ZRANB1: variants seen among roughly 807,000 people sequenced by gnomAD.
ZRANB1 encodes the protein zinc finger RANBP2-type containing 1, also known as ubiquitin thioesterase ZRANB1.
A neutral mutation model predicts 80.5 loss-of-function variants in ZRANB1; 16 were observed. That is an observed-to-expected ratio of 0.20 (90% confidence interval 0.13 to 0.30). ZRANB1 has a LOEUF of 0.30. Ranked by LOEUF, ZRANB1 falls within the 10% of genes least tolerant of loss-of-function variation. ZRANB1 has a pLI of 1.00. For synonymous variants in ZRANB1, 291 were observed against 293.1 expected (o/e 0.99, Z 0.07); for missense variants, 576 against 862.6 (o/e 0.67, Z 4.16).
intron 1 of ZRANB1, among the ~76,000 whole-genome samples, chr10:124,964,931 C>T (rs549315563): frequency 1.3e-5 from 2 of 152,312 alleles, no homozygotes; most frequent in African/African-American, 4.8e-5. Context: ...CCCTACCAGA[C>T]TATACTTAAT....
At chr10:124,953,217 T>C (rs1194791018) in intron 1 of ZRANB1, among the ~76,000 whole-genome samples, 3 of 152,114 alleles carry the variant, frequency 2.0e-5, no homozygotes, top group Middle Eastern at 3.2e-3. Context: ...TGAGCCACTG[T>C]GTCCAGCCAA....
chr10:124,917,594 C>T, the ZRANB1 span, among the ~76,000 whole-genome samples: 1 of 152,236 alleles, frequency 6.6e-6, no homozygotes. Flanking sequence ...TCTTTTCCTG[C>T]CGGAGACGGA....
At chr10:124,924,335 A>G in the ZRANB1 span, among the ~76,000 whole-genome samples, 8 of 151,138 alleles carry the variant, frequency 5.3e-5, no homozygotes, top group African/African-American at 1.9e-4. Context: ...GGTGTATTTC[A>G]TATACCATAA....
Position 124,966,581 on chromosome 10 carries a change from A to T in ZRANB1, c.815-13A>T, listed in dbSNP as rs1412782014. The T allele has an allele frequency of 6.2e-7, 1 of 1,606,602 alleles. No homozygotes were observed. The highest frequency in any genetic ancestry group is 1.7e-5 in the Admixed American group (1 of 59,416). On this transcript the variant is annotated splice_polypyrimidine_tract_variant and intron_variant, in intron 1 of 8. Coordinates refer to ENST00000359653, the MANE Select transcript of ZRANB1 (RefSeq NM_017580.3). ...GAGAATTAAATGCTTTTCTATCTTG[A>T]TGCTTGTTTTAGGGGTTGTAGAAGG...
In ZRANB1 at chr10:124,983,394, A is replaced by C. The variant is rs1589858232; in HGVS notation, c.1679-65A>C. 6.3e-7 allele frequency: 1 copy of C among 1,591,854 alleles called. No individual in the cohort carries two copies. Among genetic ancestry groups the C allele is most frequent in the Non-Finnish European group, 8.6e-7 (1 of 1,166,358 alleles). Reference sequence around the variant, plus strand: ...GAGCAGTGGACAGGGGAATGTGAACAAGGGCAGTGAGGGAGTGGCTCTTTC... The same window carrying C: ...GAGCAGTGGACAGGGGAATGTGAACCAGGGCAGTGAGGGAGTGGCTCTTTC... On this transcript the variant is annotated intron_variant, in intron 7 of 8. Coordinates refer to ENST00000359653, the MANE Select transcript of ZRANB1 (RefSeq NM_017580.3). The surrounding 1 kb of genome is among the most constrained non-coding windows in gnomAD (Gnocchi z 6.2).
chr10:124,920,149 C>T, the ZRANB1 span, among the ~76,000 whole-genome samples: 1 of 150,868 alleles, frequency 6.6e-6, no homozygotes. Context: ...TCTCGAACTC[C>T]TGACCTCAGA....
At chr10:124,957,973 A>G (rs1389575788) in intron 1 of ZRANB1, among the ~76,000 whole-genome samples, 1 of 152,054 alleles carries the variant, frequency 6.6e-6, no homozygotes, top group Admixed American at 6.5e-5. Context: ...CAAGTGATCC[A>G]CCTGCCTCGG....
intron 1 of ZRANB1, among the ~76,000 whole-genome samples, chr10:124,953,102 T>TC (rs1951655981): frequency 1.3e-5 from 2 of 150,414 alleles, no homozygotes; most frequent in South Asian, 4.2e-4. Flanking sequence ...TTTTTTTTTT[T>TC]TTTTTTTTAA....
At chr10:124,970,248 G>A (rs1344626584) in intron 2 of ZRANB1, among the ~76,000 whole-genome samples, 4 of 152,024 alleles carry the variant, frequency 2.6e-5, no homozygotes, top group South Asian at 4.1e-4. Context: ...GAATTTCCAC[G>A]TAGGAGTTTT....
upstream of ZRANB1, among the ~76,000 whole-genome samples, chr10:124,939,245 G>C (rs1951514564): frequency 6.6e-6 from 1 of 150,970 alleles, no homozygotes; most frequent in South Asian, 2.1e-4. Flanking sequence ...GTGTTGCCCA[G>C]GTTGGTCTTG....
intron 1 of ZRANB1, among the ~76,000 whole-genome samples, chr10:124,959,473 T>C (rs989229606): frequency 1.5e-4 from 22 of 151,530 alleles, no homozygotes; most frequent in African/African-American, 3.9e-4. Context: ...TTTTTTTTTT[T>C]CCCCCTGAGA....
intron 1 of ZRANB1, among the ~76,000 whole-genome samples, chr10:124,944,042 AT>A (rs1456599056): frequency 2.0e-5 from 3 of 152,220 alleles, no homozygotes; most frequent in Non-Finnish European, 4.4e-5. Flanking sequence ...ACTTCAAGTT[AT>A]GGTTCATATG....
At chr10:124,949,423 GTATA>G (rs1386808978) in intron 1 of ZRANB1, among the ~76,000 whole-genome samples, 1 of 140,154 alleles carries the variant, frequency 7.1e-6, no homozygotes, top group African/African-American at 2.6e-5. Context: ...ACATATATAT[GTATA>G]TATATATGTT....
At chr10:124,961,039 T>C (rs747275979) in intron 1 of ZRANB1, among the ~76,000 whole-genome samples, 1 of 152,020 alleles carries the variant, frequency 6.6e-6, no homozygotes, top group Non-Finnish European at 1.5e-5. Context: ...TCGCTCTTTG[T>C]TGTCCAGGCT....
At chr10:124,972,735 A>G (rs1220392727) in intron 3 of ZRANB1, among the ~76,000 whole-genome samples, 1 of 151,354 alleles carries the variant, frequency 6.6e-6, no homozygotes, top group Non-Finnish European at 1.5e-5. Flanking sequence ...CGTTTCTAAA[A>G]TCTTTCATCT....
chr10:124,965,683 C>T (rs1951770300), intron 1 of ZRANB1, among the ~76,000 whole-genome samples: 1 of 152,150 alleles, frequency 6.6e-6, no homozygotes, highest in African/African-American at 2.4e-5. Flanking sequence ...TTAGGAAACA[C>T]TTAAAAGTAT....
chr10:124,955,427 A>G (rs137953390), intron 1 of ZRANB1, among the ~76,000 whole-genome samples: 509 of 152,154 alleles, frequency 3.3e-3, no homozygotes, highest in Non-Finnish European at 3.1e-3. Context: ...ATAGGATCCA[A>G]AATGTACACA....
chr10:124,963,420 CATTT>C (rs1951750185), intron 1 of ZRANB1, among the ~76,000 whole-genome samples: 1 of 151,870 alleles, frequency 6.6e-6, no homozygotes, highest in East Asian at 1.9e-4. Context: ...TTAACACTTG[CATTT>C]ATTTGTCTTT....
upstream of ZRANB1, among the ~76,000 whole-genome samples, chr10:124,938,952 GGATCACTTGAGGCCA>G (rs1951511762): frequency 6.6e-6 from 1 of 151,980 alleles, no homozygotes. Context: ...TGAGGCAGGT[GGATCACTTGAGGCCA>G]GGAGTTTGAG....
Sources: allele counts gnomAD v4.1 joint callset (sites outside exome capture counted in the v4.1 genomes callset), GRCh38; gene constraint gnomAD v4.1.1; non-coding constraint Gnocchi (gnomAD v3.1); transcripts MANE v1.5; gene names NCBI Gene and HGNC (gene_info 2026-07-23, HGNC 2026-07-21).